Variants in KIF3C observed in about 807,000 individuals in gnomAD.
KIF3C encodes the protein kinesin-like protein KIF3C.
In KIF3C, 12 loss-of-function variants were observed where a neutral mutation model predicts 67.7. That is an observed-to-expected ratio of 0.18 (90% CI 0.11 to 0.29). KIF3C has a LOEUF of 0.29. Among genes scored for constraint, KIF3C ranks in the 10% least tolerant of loss-of-function variants. KIF3C has a pLI of 1.00. For missense variants in KIF3C, 789 were observed against 1,059.6 expected, an observed-to-expected ratio of 0.74 and a Z score of 3.55; for synonymous variants, 393 against 426.2, an observed-to-expected ratio of 0.92 and a Z score of 0.96.
chr2:25,955,563 A>G lies in KIF3C; in HGVS notation c.1748T>C (p.Val583Ala). ...TYTSLQQEVE[V>A]KTKKLKKLYA... ...CACCTTCTTGAGTTTCTTGGTTTTG[A>G]CCTCCACCTCCTGCTGCAGGGATGT... Residue 583 changes from valine to alanine, a missense_variant, in exon 3 of 8, where the codon GTC becomes GCC. This residue lies in a region of KIF3C where 648 missense variants were observed against 807.8 expected (regional missense o/e 0.80). Transcript: ENST00000264712. The surrounding 1 kb of genome is among the most constrained non-coding windows in gnomAD (Gnocchi z 5.0). The G allele has an allele frequency of 6.2e-7, 1 of 1,613,398 alleles. No homozygotes were observed.
chr2:25,960,703 G>T (rs937050660), intron 1 of KIF3C, among the ~76,000 whole-genome samples: 1 of 152,190 alleles, frequency 6.6e-6, no homozygotes, highest in African/African-American at 2.4e-5. Flanking sequence ...TTGGGAGGCT[G>T]AAGTGGGCAG....
At chr2:25,938,427 G>C in intron 5 of KIF3C, 1 of 364,910 alleles carries the variant, frequency 2.7e-6, no homozygotes, top group Admixed American at 3.4e-5. Flanking sequence ...CACAGGGTGG[G>C]GGTTCCCCCC....
At chr2:25,954,138 TCAGACGC>T in intron 4 of KIF3C, 122 bp downstream of exon 4, 1 of 733,392 alleles carries the variant, frequency 1.4e-6, no homozygotes, top group Non-Finnish European at 2.4e-6. Flanking sequence ...CCCTCAGCCC[TCAGACGC>T]ATTTTATTCC....
At chr2:25,956,014 CTG>C (rs1339707106) in intron 2 of KIF3C, among the ~76,000 whole-genome samples, 1 of 152,238 alleles carries the variant, frequency 6.6e-6, no homozygotes. Context: ...GACCAACAAA[CTG>C]TGGCTCTTGA....
chr2:25,939,322 A>G (rs1663226015), intron 5 of KIF3C, among the ~76,000 whole-genome samples: 1 of 151,926 alleles, frequency 6.6e-6, no homozygotes, highest in Non-Finnish European at 1.5e-5. Flanking sequence ...GTTTCCTTCT[A>G]GTTCCTTCCT....
chr2:25,934,000 T>C (rs919495037), intron 5 of KIF3C: 3 of 337,728 alleles, frequency 8.9e-6, no homozygotes, highest in Non-Finnish European at 1.8e-5. Context: ...ATAAACCAAA[T>C]GTGGTATATT....
rs1574474546 is a variant in KIF3C at position 25,928,754 on chromosome 2, G to C, written c.*224C>G. On this transcript the variant is annotated 3_prime_UTR_variant, in exon 8 of 8. Coordinates refer to ENST00000264712, the MANE Select transcript of KIF3C (RefSeq NM_002254.8). ...GGTAGGCCCAGACGGCTCAGGCGAG[G>C]GCATCTCCCCAACACGAACAGAGCT... 1 of 488,576 alleles carries C rather than the reference G, an allele frequency of 2.0e-6. No individual in the cohort carries two copies. Among genetic ancestry groups the C allele is most frequent in the East Asian group, 3.6e-5 (1 of 27,536 alleles). 30.3% of individuals were successfully genotyped at this position (488,576 alleles called of 1,614,324 possible).
chr2:25,943,778 T>A (rs1443905649), intron 5 of KIF3C, among the ~76,000 whole-genome samples: 1 of 151,670 alleles, frequency 6.6e-6, no homozygotes, highest in African/African-American at 2.4e-5. Flanking sequence ...GGCAAGAGAA[T>A]CACTTGAACC....
chr2:25,930,905 C>T (rs545489277), intron 5 of KIF3C, among the ~76,000 whole-genome samples: 8 of 151,910 alleles, frequency 5.3e-5, no homozygotes, highest in Non-Finnish European at 1.0e-4. Context: ...AAGCTGGTCT[C>T]GAACTCCTGA....
chr2:25,965,430 G>C (rs1403168017), intron 1 of KIF3C, among the ~76,000 whole-genome samples: 1 of 151,950 alleles, frequency 6.6e-6, no homozygotes, highest in African/African-American at 2.4e-5. Flanking sequence ...ACATTTGTCT[G>C]AGGATACCAG....
chr2:25,948,988 G>T (rs1229477330), intron 5 of KIF3C, among the ~76,000 whole-genome samples: 1 of 152,056 alleles, frequency 6.6e-6, no homozygotes, highest in African/African-American at 2.4e-5. Flanking sequence ...TAAATGAAAT[G>T]CATGACTGCA....
rs565574962 is a variant in KIF3C at position 25,954,505 on chromosome 2, C to T, written c.1771-120G>A. 7.0e-6 allele frequency: 5 copies of T among 717,048 alleles called. No homozygotes were observed. The East Asian group carries it at 1.4e-4, about 19-fold the overall frequency. The allele number at this position is 717,048 out of a possible 1,614,324, so 44.4% of individuals were successfully genotyped here. On this transcript the variant is annotated intron_variant, in intron 3 of 7. Transcript: ENST00000264712. Reference sequence around the variant, plus strand: ...ACCGACTCAGCCCAGGATGAGGCTGCGGGTCCTTTTCTGAACTCCCCGCTG... The same window carrying T: ...ACCGACTCAGCCCAGGATGAGGCTGTGGGTCCTTTTCTGAACTCCCCGCTG...
chr2:25,930,238 C>T (rs1291888260), intron 5 of KIF3C, among the ~76,000 whole-genome samples, 175 bp from the exon 6 acceptor site: 2 of 152,180 alleles, frequency 1.3e-5, no homozygotes, highest in Non-Finnish European at 2.9e-5. Context: ...CAGTTGTCCC[C>T]CTCATCCGTG....
chr2:25,937,336 T>C (rs1276817015), intron 5 of KIF3C, among the ~76,000 whole-genome samples: 2 of 152,222 alleles, frequency 1.3e-5, no homozygotes, highest in Non-Finnish European at 2.9e-5. Context: ...GTTTAGTTTA[T>C]GATGCATATA....
chr2:25,951,720 C>A, intron 5 of KIF3C, 69 bp downstream of exon 5: 1 of 1,019,060 alleles, frequency 9.8e-7, no homozygotes, highest in Non-Finnish European at 1.5e-6. Flanking sequence ...GGCCTCAGGC[C>A]CCTCACCAGC....
chr2:25,936,644 G>A (rs1248541428), intron 5 of KIF3C, among the ~76,000 whole-genome samples: 3 of 152,080 alleles, frequency 2.0e-5, no homozygotes. Context: ...CCTGGGGTAT[G>A]GATCCAGGAA....
At chr2:25,941,746 G>T (rs1331683069) in intron 5 of KIF3C, among the ~76,000 whole-genome samples, 1 of 150,668 alleles carries the variant, frequency 6.6e-6, no homozygotes, top group East Asian at 1.9e-4. Context: ...TAAAAAATTA[G>T]TCAGGCATGG....
intron 3 of KIF3C, among the ~76,000 whole-genome samples, chr2:25,954,873 G>A (rs1004807905): frequency 1.3e-5 from 2 of 152,164 alleles, no homozygotes; most frequent in African/African-American, 4.8e-5. Flanking sequence ...AGTGGGGTGT[G>A]GAGGTAGCAT....
chr2:25,979,348 C>T (rs757171284), intron 1 of KIF3C, among the ~76,000 whole-genome samples: 1 of 152,188 alleles, frequency 6.6e-6, no homozygotes, highest in African/African-American at 2.4e-5. Context: ...GTCCTGACAT[C>T]TCTCAGGGTT....
Sources: allele counts gnomAD v4.1 joint callset (sites outside exome capture counted in the v4.1 genomes callset), GRCh38; gene constraint gnomAD v4.1.1; regional missense constraint gnomAD v4.1.1; non-coding constraint Gnocchi (gnomAD v3.1); transcripts MANE v1.5; gene names NCBI Gene and HGNC (gene_info 2026-07-23, HGNC 2026-07-21).